NCKAP5: variants seen among roughly 807,000 people sequenced by gnomAD.
The protein encoded by NCKAP5 is nck-associated protein 5.
Under a neutral mutation model 167.0 loss-of-function variants are expected in NCKAP5, and 92 were observed. The ratio of observed to expected loss-of-function variants is 0.55; its 90% CI spans 0.47 to 0.66. The LOEUF (loss-of-function observed/expected upper bound fraction) is 0.66. NCKAP5 is among the 30% of genes least tolerant of loss of function. The pLI is 0.00. For synonymous variants in NCKAP5, 891 were observed against 877.4 expected (o/e 1.02, Z -0.27); for missense variants, 2,378 against 2,315.0 (o/e 1.03, Z -0.56).
At chr2:132,690,025 C>T (rs1007006903) in intron 19 of NCKAP5, among the ~76,000 whole-genome samples, 2 of 152,152 alleles carry the variant, frequency 1.3e-5, no homozygotes, top group African/African-American at 4.8e-5. Context: ...ATCTACCAGT[C>T]TTCTGGTAAA....
intron 4 of NCKAP5, among the ~76,000 whole-genome samples, chr2:133,293,894 G>C (rs1679771595): frequency 6.6e-6 from 1 of 152,130 alleles, no homozygotes; most frequent in South Asian, 2.1e-4. Flanking sequence ...GCACTTGGCT[G>C]AGAATACAGC....
At position 133,188,431 on chromosome 2, in the gene NCKAP5, G is replaced by A. The variant is rs552522015; in HGVS notation, c.207+25285C>T. On this transcript the variant is annotated intron_variant, in intron 5 of 19. Coordinates refer to ENST00000409261, the MANE Select transcript of NCKAP5 (RefSeq NM_207363.3). ...ACTGAACCCAGCTCTGCACCAAGCC[G>A]ACCTAATAGACACCTACAGAACTCT... Among the ~76,000 whole-genome samples, 13 of 151,998 alleles carry A rather than the reference G, an allele frequency of 8.6e-5. No individual in the cohort carries two copies. In the South Asian group the frequency reaches 1.5e-3, roughly 17 times the overall value.
intron 3 of NCKAP5, among the ~76,000 whole-genome samples, chr2:133,403,594 A>G (rs1240261258): frequency 6.6e-6 from 1 of 152,170 alleles, no homozygotes; most frequent in Non-Finnish European, 1.5e-5. Context: ...TTGTAATTCT[A>G]AGAACTCAAG....
chr2:132,925,556 C>T (rs1385521777), intron 8 of NCKAP5, among the ~76,000 whole-genome samples: 1 of 135,132 alleles, frequency 7.4e-6, no homozygotes, highest in African/African-American at 3.0e-5. Flanking sequence ...AGCGAGACTC[C>T]GTCTCAAAAA....
At chr2:133,305,729 A>G (rs1345624359) in intron 3 of NCKAP5, among the ~76,000 whole-genome samples, 1 of 152,210 alleles carries the variant, frequency 6.6e-6, no homozygotes, top group Non-Finnish European at 1.5e-5. Flanking sequence ...AACTAGCTTT[A>G]TCCTGTTTTC....
chr2:133,318,098 C>T (rs146985634), intron 3 of NCKAP5, among the ~76,000 whole-genome samples: 1 of 152,188 alleles, frequency 6.6e-6, no homozygotes, highest in Non-Finnish European at 1.5e-5. Flanking sequence ...AACTTTACCT[C>T]CAGAGACTGA....
At chr2:133,333,453 G>C (rs115363692) in intron 3 of NCKAP5, among the ~76,000 whole-genome samples, 18 of 152,048 alleles carry the variant, frequency 1.2e-4, no homozygotes, top group Admixed American at 2.0e-4. Context: ...TTTCTTCCAC[G>C]ACGAGGAAAA....
At position 132,890,177 on chromosome 2, in the gene NCKAP5, G is replaced by A. The variant is rs1692580769; in HGVS notation, c.580-11261C>T. Among the ~76,000 whole-genome samples, 4 of 152,254 alleles carry A rather than the reference G, an allele frequency of 2.6e-5. No homozygotes were observed. In the South Asian group the frequency reaches 6.2e-4, roughly 24 times the overall value. On this transcript the variant is annotated intron_variant, in intron 8 of 19. Coordinates refer to ENST00000409261, the MANE Select transcript of NCKAP5 (RefSeq NM_207363.3). ...TGGTTTGGCCCCATAGGTAAGAAAA[G>A]GTGCTTCTGTACTTTATTTTCTCTT...
At chr2:133,029,497 G>A (rs890988106) in intron 6 of NCKAP5, among the ~76,000 whole-genome samples, 1 of 152,128 alleles carries the variant, frequency 6.6e-6, no homozygotes, top group Non-Finnish European at 1.5e-5. Context: ...AGAAAAAGGG[G>A]TTGCTAGATA....
chr2:133,507,603 A>G (rs1384570993), intron 3 of NCKAP5, among the ~76,000 whole-genome samples: 2 of 152,222 alleles, frequency 1.3e-5, no homozygotes, highest in African/African-American at 2.4e-5. Context: ...AGGCCAGACA[A>G]ATAGGATTCC....
At chr2:133,534,851 G>T (rs544011114) in intron 2 of NCKAP5, among the ~76,000 whole-genome samples, 1 of 152,256 alleles carries the variant, frequency 6.6e-6, no homozygotes, top group East Asian at 1.9e-4. Context: ...ACTTAGGAGA[G>T]AAATTGCCGG....
At chr2:132,776,187 T>G (rs1333543565) in intron 15 of NCKAP5, among the ~76,000 whole-genome samples, 1 of 152,216 alleles carries the variant, frequency 6.6e-6, no homozygotes, top group Non-Finnish European at 1.5e-5. Context: ...AACTACTCTT[T>G]CTTAGTGTCT....
chr2:133,040,376 C>T (rs1239237082), intron 6 of NCKAP5, among the ~76,000 whole-genome samples: 1 of 152,070 alleles, frequency 6.6e-6, no homozygotes, highest in Non-Finnish European at 1.5e-5. Context: ...TTCTTACATC[C>T]CACACCATGA....
At chr2:132,815,752 T>C (rs531733628) in intron 11 of NCKAP5, among the ~76,000 whole-genome samples, 11 of 152,314 alleles carry the variant, frequency 7.2e-5, no homozygotes, top group South Asian at 6.2e-4. Flanking sequence ...AAGCTCTACA[T>C]TGGAGCAAAG....
intron 3 of NCKAP5, among the ~76,000 whole-genome samples, chr2:133,508,054 C>A (rs1225173495): frequency 1.3e-5 from 2 of 152,118 alleles, no homozygotes; most frequent in African/African-American, 4.8e-5. Flanking sequence ...TTTTGCCTTG[C>A]ACCAGGAATT....
intron 13 of NCKAP5, among the ~76,000 whole-genome samples, chr2:132,787,708 T>C (rs904846750): frequency 9.2e-5 from 14 of 152,190 alleles, no homozygotes; most frequent in Admixed American, 3.9e-4. Context: ...TCCTCTTCCC[T>C]GTACCATTAC....
intron 2 of NCKAP5, among the ~76,000 whole-genome samples, chr2:133,549,657 T>C (rs1424040404): frequency 1.5e-5 from 2 of 136,728 alleles, no homozygotes; most frequent in Non-Finnish European, 3.2e-5. Context: ...AGATCCAAAA[T>C]TGACACCCTA....
At chr2:133,103,964 C>A (rs1290494656) in intron 6 of NCKAP5, among the ~76,000 whole-genome samples, 4 of 148,806 alleles carry the variant, frequency 2.7e-5, no homozygotes, top group Non-Finnish European at 6.0e-5. Context: ...TTCTTTTCAA[C>A]AATAAACTGA....
intron 6 of NCKAP5, among the ~76,000 whole-genome samples, chr2:133,019,330 A>C (rs1028204880): frequency 6.6e-6 from 1 of 152,238 alleles, no homozygotes; most frequent in East Asian, 1.9e-4. Context: ...GTATTTTGAT[A>C]AGGGATAAAG....
Sources: allele counts gnomAD v4.1 joint callset (sites outside exome capture counted in the v4.1 genomes callset), GRCh38; gene constraint gnomAD v4.1.1; transcripts MANE v1.5; gene names NCBI Gene and HGNC (gene_info 2026-07-23, HGNC 2026-07-21).